The following DNAH8 variants were observed in gnomAD, a reference collection of about 807,000 sequenced individuals.
The protein encoded by DNAH8 is dynein axonemal heavy chain 8.
Under a neutral mutation model 562.1 loss-of-function variants are expected in DNAH8, and 382 were observed. The ratio of observed to expected loss-of-function variants is 0.68; its 90% CI spans 0.63 to 0.74. The LOEUF (loss-of-function observed/expected upper bound fraction) is 0.74. DNAH8 is among the 30% of genes least tolerant of loss of function. The probability of loss-of-function intolerance (pLI) is 0.00; values close to 1 mark genes in which losing one functional copy is unlikely to be tolerated. For synonymous variants in DNAH8, 1,881 were observed against 1,919.4 expected, an observed-to-expected ratio of 0.98 and a Z score of 0.52; for missense variants, 5,203 against 5,620.4, an observed-to-expected ratio of 0.93 and a Z score of 2.37.
chr6:38,803,646 C>T (rs1770990790), intron 22 of DNAH8, among the ~76,000 whole-genome samples: 1 of 146,620 alleles, frequency 6.8e-6, no homozygotes. Flanking sequence ...GTCACTTTGA[C>T]TATTTGATTT....
At chr6:38,994,880 G>C (rs150209968) in intron 88 of DNAH8, among the ~76,000 whole-genome samples, 54 of 152,100 alleles carry the variant, frequency 3.6e-4, no homozygotes, top group African/African-American at 1.1e-3. Context: ...TTGACCACAC[G>C]TGATCCGCCA....
intron 70 of DNAH8, among the ~76,000 whole-genome samples, chr6:38,920,527 CT>C (rs1320213444): frequency 2.1e-4 from 32 of 152,158 alleles, no homozygotes; most frequent in Non-Finnish European, 1.2e-4. Context: ...AGTAATTTCA[CT>C]TGCAGAATCT....
chr6:38,821,254 A>G (rs1055532898), intron 26 of DNAH8, among the ~76,000 whole-genome samples: 14 of 152,372 alleles, frequency 9.2e-5, no homozygotes, highest in African/African-American at 3.1e-4. Flanking sequence ...CACAAAAGCA[A>G]GGAAGAATAA....
rs1583119123 is a variant in DNAH8, at chr6:38,828,378, A to T, written c.4188+90A>T. On this transcript the variant is annotated intron_variant, in intron 30 of 92. Transcript: ENST00000327475. The stretch of plus-strand genomic sequence containing the variant: ...TATACCTTTTTAAAGCTTAATATAC[A>T]GTCATGTGCCACATAACAATGTTTC... 6 of 653,556 alleles carry T rather than the reference A, an allele frequency of 9.2e-6. No individual in the cohort carries two copies. The East Asian group carries it at 1.5e-4, about 16-fold the overall frequency. The allele number at this position is 653,556 out of a possible 1,614,324, so 40.5% of individuals were successfully genotyped here.
At chr6:38,809,102 G>GA (rs943940735) in intron 24 of DNAH8, among the ~76,000 whole-genome samples, 1 of 150,380 alleles carries the variant, frequency 6.6e-6, no homozygotes, top group South Asian at 2.1e-4. Context: ...AAAAAAAAAA[G>GA]AAAAAAAATT....
chr6:39,012,308 C>A lies in DNAH8; in HGVS notation c.13465C>A (p.Leu4489Ile). 1 of 1,613,270 alleles carries A rather than the reference C, an allele frequency of 6.2e-7. No homozygotes were observed. Reference sequence around the variant, plus strand: ...CAGAATGCAAAGAGTCATTTCAATACTCCGCAGTAGCCTGAGTGATCTAAA... The same window carrying A: ...CAGAATGCAAAGAGTCATTTCAATAATCCGCAGTAGCCTGAGTGATCTAAA... ...IDRMQRVISI[L>I]RSSLSDLKLA... The change falls in exon 90 of 93, where the codon CTC becomes ATC. Residue 4489 changes from leucine (L) to isoleucine (I), a missense_variant. Leu to Ile is a conservative substitution (Grantham distance 5). This residue lies in a region of DNAH8 where 1,399 missense variants were observed against 1,518.4 expected (regional missense o/e 0.92). Transcript: ENST00000327475.
chr6:39,027,003 T>C (rs1583592917), intron 92 of DNAH8, among the ~76,000 whole-genome samples: 1 of 152,278 alleles, frequency 6.6e-6, no homozygotes, highest in East Asian at 1.9e-4. Flanking sequence ...GGAGGATTGC[T>C]TGAGCCCAGG....
At chr6:38,903,287 T>A (rs1583311872) in intron 62 of DNAH8, among the ~76,000 whole-genome samples, 2 of 152,002 alleles carry the variant, frequency 1.3e-5, no homozygotes, top group South Asian at 4.2e-4. Context: ...CTGGTGAGGG[T>A]CTCAGGAAGC....
At chr6:38,816,932 G>A (rs1252128116) in intron 26 of DNAH8, among the ~76,000 whole-genome samples, 1 of 152,166 alleles carries the variant, frequency 6.6e-6, no homozygotes, top group Admixed American at 6.5e-5. Context: ...TTCTGATGGG[G>A]TTGAGAAACT....
intron 89 of DNAH8, among the ~76,000 whole-genome samples, chr6:39,009,483 A>G (rs1766036274): frequency 6.6e-6 from 1 of 152,204 alleles, no homozygotes; most frequent in Admixed American, 6.5e-5. Flanking sequence ...AGATATTATG[A>G]ATATAAGCAC....
chr6:38,752,347 A>G (rs865986816), intron 9 of DNAH8, among the ~76,000 whole-genome samples: 2 of 151,330 alleles, frequency 1.3e-5, no homozygotes, highest in Admixed American at 1.3e-4. Flanking sequence ...TATTTTTAGT[A>G]GAGACAAGGT....
intron 32 of DNAH8, among the ~76,000 whole-genome samples, chr6:38,835,728 A>G (rs769928379): frequency 6.6e-6 from 1 of 152,014 alleles, no homozygotes; most frequent in East Asian, 1.9e-4. Context: ...ACTAAAGAGG[A>G]TAGTGGTGAG....
At chr6:38,974,808 G>A (rs1001104695) in intron 85 of DNAH8, among the ~76,000 whole-genome samples, 2 of 152,138 alleles carry the variant, frequency 1.3e-5, no homozygotes, top group South Asian at 2.1e-4. Context: ...ACAACAGCAC[G>A]CAGGGGATTG....
chr6:38,949,495 A>G lies in DNAH8; in HGVS notation c.12173A>G (p.Asp4058Gly). Residue 4058 changes from aspartate to glycine, a missense_variant, in exon 81 of 93, where the codon GAT (aspartate) becomes GGT (glycine). Around this residue, in one of 6 missense-constraint regions of DNAH8, gnomAD observed 1,399 missense variants for 1,518.4 expected, o/e 0.92. Coordinates refer to ENST00000327475, the MANE Select transcript of DNAH8 (RefSeq NM_001206927.2). ...EKGWKSWFDK[D>G]APEEEIIPDG... ...GGGTGGAAAAGCTGGTTTGATAAAG[A>G]TGCTCCAGAGGAGGAAATTATCCCT... The G allele has an allele frequency of 6.2e-7, 1 of 1,613,650 alleles. No individual in the cohort carries two copies. Among genetic ancestry groups the G allele is most frequent in the Non-Finnish European group, 8.5e-7 (1 of 1,179,630 alleles).
At chr6:38,828,864 C>T (rs541967035) in intron 30 of DNAH8, among the ~76,000 whole-genome samples, 10 of 152,298 alleles carry the variant, frequency 6.6e-5, no homozygotes, top group East Asian at 5.8e-4. Context: ...AAGGAAACCC[C>T]GTGCCCATTA....
In DNAH8 at chr6:39,007,560, C is replaced by A. The variant is rs536735649; in HGVS notation, c.13215-1254C>A. The stretch of plus-strand genomic sequence containing the variant: ...AAAATTTAAATCTGACCATGTCACA[C>A]CTGGCTAGGGAAATCTTCAGTGGCT... On this transcript the variant is annotated intron_variant, in intron 88 of 92. Coordinates refer to ENST00000327475, the MANE Select transcript of DNAH8 (RefSeq NM_001206927.2). Among the ~76,000 whole-genome samples the A allele has an allele frequency of 2.0e-5, 3 of 152,288 alleles. No individual in the cohort carries two copies. The East Asian group carries it at 5.8e-4, about 29-fold the overall frequency.
At chr6:38,867,763 A>C (rs956897542) in intron 47 of DNAH8, among the ~76,000 whole-genome samples, 11 of 151,760 alleles carry the variant, frequency 7.2e-5, no homozygotes, top group African/African-American at 1.5e-4. Flanking sequence ...AAAAAAAAAA[A>C]AAAAAAAAAC....
At chr6:38,938,316 A>G (rs1221173222) in intron 78 of DNAH8, 90 bp downstream of exon 78, 4 of 1,441,736 alleles carry the variant, frequency 2.8e-6, no homozygotes, top group Non-Finnish European at 2.8e-6. Context: ...CACTATTCAC[A>G]ATAGCAAAGA....
intron 21 of DNAH8, among the ~76,000 whole-genome samples, chr6:38,797,941 C>T (rs1770435845): frequency 6.6e-6 from 1 of 151,884 alleles, no homozygotes; most frequent in South Asian, 2.1e-4. Context: ...TTGGCTAAGG[C>T]AAAAACCTTT....
Sources: allele counts gnomAD v4.1 joint callset (sites outside exome capture counted in the v4.1 genomes callset), GRCh38; gene constraint gnomAD v4.1.1; regional missense constraint gnomAD v4.1.1; transcripts MANE v1.5; gene names NCBI Gene and HGNC (gene_info 2026-07-23, HGNC 2026-07-21).